The following CPNE5 variants were observed in gnomAD, a reference collection of about 807,000 sequenced individuals.
CPNE5 encodes the protein copine-5.
A neutral mutation model predicts 81.1 loss-of-function variants in CPNE5; 42 were observed. The observed-to-expected ratio is 0.52, with a 90% CI of 0.40 to 0.67. The LOEUF (loss-of-function observed/expected upper bound fraction) is 0.67, where lower values mean the gene tolerates loss of function less well. Ranked by LOEUF, CPNE5 falls within the 30% of genes least tolerant of loss-of-function variation. The pLI, the probability that CPNE5 is intolerant of heterozygous loss-of-function variation, is 0.00. For missense variants in CPNE5, 612 were observed against 815.5 expected (o/e 0.75, Z 3.04); for synonymous variants, 313 against 321.5 (o/e 0.97, Z 0.28).
At chr6:36,799,201 T>C (rs1473256215) in intron 4 of CPNE5, among the ~76,000 whole-genome samples, 1 of 151,956 alleles carries the variant, frequency 6.6e-6, no homozygotes, top group Non-Finnish European at 1.5e-5. Flanking sequence ...TGAGGGATGG[T>C]CACTCTCTTA....
intron 20 of CPNE5, chr6:36,742,852 G>T: frequency 1.0e-6 from 1 of 985,332 alleles, no homozygotes; most frequent in Non-Finnish European, 1.2e-6. Flanking sequence ...GGTTTCCCCC[G>T]ACCTGTCCAG....
chr6:36,767,577 C>A (rs1390023428), intron 10 of CPNE5, among the ~76,000 whole-genome samples: 1 of 152,182 alleles, frequency 6.6e-6, no homozygotes, highest in Non-Finnish European at 1.5e-5. Context: ...CTGCAGGGGA[C>A]CTTCAGAGAC....
In CPNE5 at chr6:36,821,855, T is replaced by A. The variant is rs181739448; in HGVS notation, c.183+259A>T. 3.3e-5 allele frequency among the ~76,000 whole-genome samples: 5 copies of A among 152,284 alleles called. No individual in the cohort carries two copies. In the East Asian group the frequency reaches 9.7e-4, roughly 29 times the overall value. ...GGCACGGACTCCTTCTGCGTCTCCCTGGGACTGGGGCTCCCTGAGAACAGG... is the reference window on the plus strand; with the variant it reads ...GGCACGGACTCCTTCTGCGTCTCCCAGGGACTGGGGCTCCCTGAGAACAGG... On this transcript the variant is annotated intron_variant, in intron 3 of 20. Coordinates refer to ENST00000244751, the MANE Select transcript of CPNE5 (RefSeq NM_020939.2).
At position 36,766,901 on chromosome 6, in the gene CPNE5, G is replaced by A. The variant is rs1354515912; in HGVS notation, c.738-1525C>T. ...GATGGAGTCTTGCTCTGTTGCCCAG[G>A]CTGGAGTGCAATGGCGTGATCTCGG... On this transcript the variant is annotated intron_variant, in intron 10 of 20. Coordinates refer to ENST00000244751, the MANE Select transcript of CPNE5 (RefSeq NM_020939.2). The surrounding 1 kb of genome is among the most constrained non-coding windows in gnomAD (Gnocchi z 4.2). Among the ~76,000 whole-genome samples, 1 of 152,190 alleles carries A rather than the reference G, an allele frequency of 6.6e-6. No individual in the cohort carries two copies. The highest frequency in any genetic ancestry group is 1.5e-5 in the Non-Finnish European group (1 of 68,034).
chr6:36,809,144 T>A (rs1337752296), intron 3 of CPNE5, among the ~76,000 whole-genome samples: 11 of 151,978 alleles, frequency 7.2e-5, no homozygotes, highest in Non-Finnish European at 1.6e-4. Flanking sequence ...AATGTGAGTG[T>A]CCCTGACCTA....
intron 9 of CPNE5, among the ~76,000 whole-genome samples, chr6:36,776,934 C>T (rs1255885645): frequency 2.0e-5 from 3 of 152,216 alleles, no homozygotes; most frequent in Non-Finnish European, 2.9e-5. Flanking sequence ...GCGCAGCCAT[C>T]GCCCTTTCAC....
intron 4 of CPNE5, among the ~76,000 whole-genome samples, chr6:36,799,574 G>A (rs548045198): frequency 6.4e-4 from 97 of 152,264 alleles, no homozygotes; most frequent in Middle Eastern, 3.4e-3. Context: ...AGGCTGCAGG[G>A]ACCCTCTCCC....
At chr6:36,772,154 G>T (rs964514683) in intron 10 of CPNE5, among the ~76,000 whole-genome samples, 1 of 152,166 alleles carries the variant, frequency 6.6e-6, no homozygotes, top group Non-Finnish European at 1.5e-5. Flanking sequence ...TGAGGGGTCA[G>T]TTGGGCCAGG....
At chr6:36,836,429 A>C (rs1258215185) in intron 1 of CPNE5, among the ~76,000 whole-genome samples, 1 of 152,046 alleles carries the variant, frequency 6.6e-6, no homozygotes, top group East Asian at 1.9e-4. Context: ...AAGTGGAAAC[A>C]AGTGTTCCTG....
intron 8 of CPNE5, among the ~76,000 whole-genome samples, chr6:36,785,888 C>T (rs1188076127): frequency 5.3e-5 from 8 of 151,724 alleles, no homozygotes; most frequent in African/African-American, 1.9e-4. Flanking sequence ...TGATGCATGC[C>T]TATAATCCCA....
At chr6:36,760,861 T>C (rs1038137874) in intron 12 of CPNE5, among the ~76,000 whole-genome samples, 2 of 152,150 alleles carry the variant, frequency 1.3e-5, no homozygotes, top group African/African-American at 2.4e-5. Flanking sequence ...CTGTTCCCTT[T>C]TCAGGCAGTT....
chr6:36,802,260 A>T (rs1770190072), intron 3 of CPNE5, among the ~76,000 whole-genome samples: 1 of 146,356 alleles, frequency 6.8e-6, no homozygotes, highest in East Asian at 2.0e-4. Flanking sequence ...ATGATGGAAA[A>T]TTTTATGCTA....
intron 3 of CPNE5, among the ~76,000 whole-genome samples, chr6:36,807,394 T>C (rs1017646014): frequency 7.9e-5 from 12 of 152,214 alleles, no homozygotes; most frequent in African/African-American, 2.7e-4. Context: ...TATGGGATTG[T>C]TGGAGGCCTA....
intron 9 of CPNE5, among the ~76,000 whole-genome samples, chr6:36,776,787 C>T (rs1401962796): frequency 1.3e-5 from 2 of 152,092 alleles, no homozygotes; most frequent in East Asian, 3.9e-4. Flanking sequence ...GCCTCCTTGC[C>T]TTGTCCCTCC....
chr6:36,821,476 C>A (rs1007675624), intron 3 of CPNE5, among the ~76,000 whole-genome samples: 2 of 152,020 alleles, frequency 1.3e-5, no homozygotes, highest in Non-Finnish European at 2.9e-5. Flanking sequence ...ATTCACTTCA[C>A]AAATGTCCCT....
At chr6:36,773,451 G>A (rs1480654859) in intron 10 of CPNE5, among the ~76,000 whole-genome samples, 1 of 152,194 alleles carries the variant, frequency 6.6e-6, no homozygotes, top group Non-Finnish European at 1.5e-5. Flanking sequence ...ATTAATGTCT[G>A]CCTCCCCTAC....
At chr6:36,822,419 T>C (rs1007929864) in intron 2 of CPNE5, among the ~76,000 whole-genome samples, 11 of 151,866 alleles carry the variant, frequency 7.2e-5, no homozygotes, top group African/African-American at 2.7e-4. Flanking sequence ...GGGGTTGCGT[T>C]GGAGAAGGGA....
intron 8 of CPNE5, among the ~76,000 whole-genome samples, chr6:36,789,342 C>T (rs1477921642): frequency 1.3e-5 from 2 of 152,184 alleles, no homozygotes; most frequent in African/African-American, 4.8e-5. Context: ...AGGTATTCAA[C>T]CTAAGACTGC....
At chr6:36,744,093 C>A (rs1562081012) in intron 19 of CPNE5, among the ~76,000 whole-genome samples, 175 bp downstream of exon 19, 1 of 152,246 alleles carries the variant, frequency 6.6e-6, no homozygotes, top group Non-Finnish European at 1.5e-5. Context: ...CCTGAGCAAA[C>A]AAATGCGTCC....
Sources: allele counts gnomAD v4.1 joint callset (sites outside exome capture counted in the v4.1 genomes callset), GRCh38; gene constraint gnomAD v4.1.1; non-coding constraint Gnocchi (gnomAD v3.1); transcripts MANE v1.5; gene names NCBI Gene and HGNC (gene_info 2026-07-23, HGNC 2026-07-21).